The following WHRN variants were observed in gnomAD, a reference collection of about 807,000 sequenced individuals.
WHRN encodes the protein whirlin.
In WHRN, 41 loss-of-function variants were observed where a neutral mutation model predicts 68.3. The observed-to-expected ratio is 0.60, with a 90% CI of 0.47 to 0.78. WHRN has a LOEUF of 0.78. Among genes scored for constraint, WHRN ranks in the 30% least tolerant of loss-of-function variants. WHRN has a pLI of 0.00. For synonymous variants in WHRN, 560 were observed against 561.3 expected, an observed-to-expected ratio of 1.00 and a Z score of 0.03; for missense variants, 1,243 against 1,244.7, an observed-to-expected ratio of 1.00 and a Z score of 0.02.
chr9:114,460,986 T>C (rs1564181445), intron 3 of WHRN, among the ~76,000 whole-genome samples: 1 of 152,132 alleles, frequency 6.6e-6, no homozygotes, highest in African/African-American at 2.4e-5. Context: ...TGTTAGCATA[T>C]CCAAGGGGCC....
intron 1 of WHRN, among the ~76,000 whole-genome samples, chr9:114,490,639 C>T (rs1031061943): frequency 2.9e-4 from 44 of 152,224 alleles, no homozygotes; most frequent in Admixed American, 6.5e-5. Flanking sequence ...TTCCATGCTG[C>T]GAATGCCGGG....
intron 8 of WHRN, 86 bp from the exon 9 acceptor site, chr9:114,406,978 C>A (rs1015710590): frequency 3.4e-6 from 5 of 1,481,882 alleles, no homozygotes; most frequent in Admixed American, 2.0e-5. Flanking sequence ...TGGTGCCAGG[C>A]CCAGCTGGAA....
chr9:114,504,048 T>C (rs1844165987), intron 1 of WHRN, 136 bp downstream of exon 1: 1 of 1,278,576 alleles, frequency 7.8e-7, no homozygotes, highest in African/African-American at 2.0e-5. Context: ...CATTCCTGTT[T>C]TAAAGTATTA....
At chr9:114,481,021 A>C (rs1036543422) in intron 1 of WHRN, among the ~76,000 whole-genome samples, 1 of 152,102 alleles carries the variant, frequency 6.6e-6, no homozygotes, top group Non-Finnish European at 1.5e-5. Context: ...ATATCAGAGA[A>C]AAAAAAACAA....
At chr9:114,433,283 G>C (rs1424355921) in intron 3 of WHRN, among the ~76,000 whole-genome samples, 1 of 152,154 alleles carries the variant, frequency 6.6e-6, no homozygotes, top group Non-Finnish European at 1.5e-5. Context: ...GAGCTCCCTC[G>C]CCAGAAGTTG....
intron 1 of WHRN, among the ~76,000 whole-genome samples, chr9:114,501,710 G>C (rs962473357): frequency 2.6e-5 from 4 of 151,994 alleles, no homozygotes; most frequent in Admixed American, 6.5e-5. Flanking sequence ...TGGTATCCTA[G>C]AATAAAATAA....
In WHRN at chr9:114,423,730, T is replaced by C. The variant is rs570489897; in HGVS notation, c.1417-207A>G. 1.1e-3 allele frequency among the ~76,000 whole-genome samples: 165 copies of C among 152,196 alleles called. 2 individuals are homozygous for C. The highest frequency in any genetic ancestry group is 3.7e-3 in the Admixed American group (56 of 15,294). On this transcript the variant is annotated intron_variant, in intron 6 of 11. Coordinates refer to ENST00000362057, the MANE Select transcript of WHRN (RefSeq NM_015404.4). The stretch of plus-strand genomic sequence containing the variant: ...TCATCTCACTCCTGCTTCCCTGTCA[T>C]CTCCTCAGCAAGCACATGTAGCTGT...
At position 114,423,393 on chromosome 9, in the gene WHRN, G is replaced by A. The variant is rs756090687; in HGVS notation, c.1547C>T (p.Thr516Ile). ...RQPPGPGAGD[T>I]YSMVSYSDTG... ...GTCACTGTAGGAGACCATGGAGTAGGTGTCCCCAGCCCCGGGGCCTGGGGG... is the reference window on the plus strand; with the variant it reads ...GTCACTGTAGGAGACCATGGAGTAGATGTCCCCAGCCCCGGGGCCTGGGGG... Residue 516 changes from threonine to isoleucine, a missense_variant, in exon 7 of 12, where the codon ACC becomes ATC. Coordinates refer to ENST00000362057, the MANE Select transcript of WHRN (RefSeq NM_015404.4). 25 of 1,614,062 alleles carry A rather than the reference G, an allele frequency of 1.5e-5. No homozygotes were observed. The highest frequency in any genetic ancestry group is 8.3e-5 in the Admixed American group (5 of 60,026).
At chr9:114,454,151 A>G (rs567994116) in intron 3 of WHRN, among the ~76,000 whole-genome samples, 1 of 152,356 alleles carries the variant, frequency 6.6e-6, no homozygotes, top group East Asian at 1.9e-4. Flanking sequence ...AGAAAATCCC[A>G]CAGCTAACAT....
chr9:114,403,251 G>A lies in WHRN; in HGVS notation c.2507C>T (p.Thr836Ile). 6.2e-7 allele frequency: 1 copy of A among 1,614,196 alleles called. No individual in the cohort carries two copies. Among genetic ancestry groups the A allele is most frequent in the Non-Finnish European group, 8.5e-7 (1 of 1,180,036 alleles). ...LGIAIEGGANTRQPLPRIVTI... is the reference protein window; with the variant it reads ...LGIAIEGGANIRQPLPRIVTI... ...GACAATCCTAGGCAGGGGCTGGCGG[G>A]TGTTGGCGCCACCCTCGATGGCGAT... Residue 836 changes from threonine to isoleucine, a missense_variant, in exon 11 of 12, where the codon ACC (threonine) becomes ATC (isoleucine). Thr to Ile is a moderately conservative substitution (Grantham distance 89, BLOSUM62 -1). Transcript: ENST00000362057.
At chr9:114,413,774 A>T (rs1279021872) in intron 7 of WHRN, among the ~76,000 whole-genome samples, 1 of 152,152 alleles carries the variant, frequency 6.6e-6, no homozygotes, top group African/African-American at 2.4e-5. Context: ...TGACCACCAA[A>T]TCACAACATT....
chr9:114,442,060 T>C (rs1412714277), intron 3 of WHRN, among the ~76,000 whole-genome samples: 3 of 152,200 alleles, frequency 2.0e-5, no homozygotes. Context: ...AACCATCAGA[T>C]ATCCCAAATA....
chr9:114,490,675 G>C (rs981873083), intron 1 of WHRN, among the ~76,000 whole-genome samples: 3 of 152,164 alleles, frequency 2.0e-5, no homozygotes, highest in Admixed American at 6.6e-5. Context: ...AGAAAGACCT[G>C]ACATTTTAAA....
Position 114,404,011 on chromosome 9 carries a change from G to C in WHRN, c.2303C>G (p.Ala768Gly). The change falls in exon 10 of 12, where the codon GCT becomes GGT. Residue 768 changes from alanine (A) to glycine (G), a missense_variant. By Grantham distance (60) the Ala-to-Gly change is moderately conservative. Coordinates refer to ENST00000362057, the MANE Select transcript of WHRN (RefSeq NM_015404.4). Reference protein sequence around the residue: ...QTLSEDSGVDAGEAEASAPGR... With the variant: ...QTLSEDSGVDGGEAEASAPGR... Reference sequence around the variant, plus strand: ...TGGGGCGCTGGCCTCTGCCTCGCCAGCATCCACACCACTGTCCTCGCTTAG... The same window carrying C: ...TGGGGCGCTGGCCTCTGCCTCGCCACCATCCACACCACTGTCCTCGCTTAG... 6.2e-7 allele frequency: 1 copy of C among 1,613,250 alleles called. No homozygotes were observed. Among genetic ancestry groups the C allele is most frequent in the Non-Finnish European group, 8.5e-7 (1 of 1,180,036 alleles).
chr9:114,484,644 T>C (rs186974939), intron 1 of WHRN, among the ~76,000 whole-genome samples: 7 of 152,296 alleles, frequency 4.6e-5, no homozygotes, highest in Admixed American at 1.3e-4. Context: ...CCCTGGGGCA[T>C]TCCACCAACT....
Position 114,406,711 on chromosome 9 carries a change from C to A in WHRN, c.1880G>T (p.Arg627Leu), listed in dbSNP as rs191854666. ...GGGTGCGGTGCCCGCTGGCGGGCTG[C>A]GGTTCTGTGGAGCCGAGAAGACAGT... The part of the protein sequence containing the change: ...SGTVFSAPQN[R>L]SPPAGTAPTP... Residue 627 changes from arginine to leucine, a missense_variant, in exon 9 of 12, where the codon CGC becomes CTC. Coordinates refer to ENST00000362057, the MANE Select transcript of WHRN (RefSeq NM_015404.4). 3.1e-6 allele frequency: 5 copies of A among 1,613,844 alleles called. No individual in the cohort carries two copies. Among genetic ancestry groups the A allele is most frequent in the Non-Finnish European group, 4.2e-6 (5 of 1,179,996 alleles).
chr9:114,408,934 T>G (rs1722186084), intron 7 of WHRN, among the ~76,000 whole-genome samples: 1 of 152,188 alleles, frequency 6.6e-6, no homozygotes, highest in Admixed American at 6.5e-5. Context: ...TGCGCGCTCT[T>G]CTAGAGCTGA....
rs146655362 is a variant in WHRN at position 114,504,611 on chromosome 9, G to T, written c.191C>A (p.Ala64Asp). 1,392 of 1,611,128 alleles carry T rather than the reference G, an allele frequency of 8.6e-4. 2 individuals carry two copies. The highest frequency in any genetic ancestry group is 1.1e-3 in the Non-Finnish European group (1,303 of 1,179,418). The change falls in exon 1 of 12, where the codon GCT becomes GAT. Residue 64 changes from alanine (A) to aspartate (D), a missense_variant. Physicochemically the swap from Ala to Asp is moderately radical, Grantham distance 126. Transcript: ENST00000362057. ...GAAGACGTTGCGGCGCGCGTGGTAAGCGTTCAGGCAGTGGGTGAACTGCTC... is the reference window on the plus strand; with the variant it reads ...GAAGACGTTGCGGCGCGCGTGGTAATCGTTCAGGCAGTGGGTGAACTGCTC... The part of the protein sequence containing the change: ...EREQFTHCLN[A>D]YHARRNVFDL...
intron 2 of WHRN, among the ~76,000 whole-genome samples, chr9:114,470,459 G>A (rs1841114672): frequency 6.6e-6 from 1 of 152,180 alleles, no homozygotes; most frequent in Non-Finnish European, 1.5e-5. Flanking sequence ...GGTGCCATGA[G>A]CCAGGCTAAG....
Sources: gnomAD v4.1 joint callset for allele counts (sites outside exome capture counted in the v4.1 genomes callset) on GRCh38, gnomAD v4.1.1 for gene constraint, MANE v1.5 for transcripts, NCBI Gene and HGNC (gene_info 2026-07-23, HGNC 2026-07-21) for gene names.